NAALAD2: variants seen among roughly 807,000 people sequenced by gnomAD.
NAALAD2 encodes N-acetylated alpha-linked acidic dipeptidase 2.
In NAALAD2, 89 loss-of-function variants were observed where a neutral mutation model predicts 95.6. The ratio of observed to expected loss-of-function variants is 0.93; its 90% CI spans 0.78 to 1.11. The LOEUF (loss-of-function observed/expected upper bound fraction) is 1.11. Ranked by LOEUF, NAALAD2 falls within the 50% of genes least tolerant of loss-of-function variation. NAALAD2 has a pLI of 0.00. For synonymous variants in NAALAD2, 264 were observed against 294.4 expected (o/e 0.90, Z 1.06); for missense variants, 894 against 872.4 (o/e 1.02, Z -0.31).
chr11:90,145,534 A>G (rs892001535), intron 2 of NAALAD2, among the ~76,000 whole-genome samples: 11 of 152,236 alleles, frequency 7.2e-5, no homozygotes, highest in Admixed American at 3.3e-4. Context: ...TACATATAAA[A>G]TAACTTCTGT....
intron 11 of NAALAD2, among the ~76,000 whole-genome samples, chr11:90,166,889 C>T (rs1027594313): frequency 4.0e-5 from 6 of 151,696 alleles, no homozygotes; most frequent in Non-Finnish European, 7.4e-5. Context: ...GTGGCTCATG[C>T]CTGTAATCTC....
intron 16 of NAALAD2, among the ~76,000 whole-genome samples, chr11:90,180,761 A>T (rs1952940204): frequency 6.6e-6 from 1 of 152,056 alleles, no homozygotes; most frequent in Admixed American, 6.5e-5. Context: ...TATATTGGTG[A>T]GTTCTGCATC....
rs1590975501 is a variant in NAALAD2, at chr11:90,154,061, CTCTCTCTT to C, written c.796+1581_796+1588del. ...TCTCTCTCTCTCTCTCTCTGTCTCT[CTCTCTCTT>C]TCTTTCTTTCTCTCTTTCTTCTTTT... On this transcript the variant is annotated intron_variant, in intron 6 of 18. Transcript: ENST00000534061. Among the ~76,000 whole-genome samples the C allele has an allele frequency of 2.0e-5, 3 of 146,716 alleles. No homozygotes were observed. The East Asian group carries it at 6.4e-4, about 31-fold the overall frequency.
chr11:90,167,462 A>G (rs4307680), intron 11 of NAALAD2, among the ~76,000 whole-genome samples: 1 of 152,046 alleles, frequency 6.6e-6, no homozygotes, highest in Non-Finnish European at 1.5e-5. Flanking sequence ...GAGCCTCCCG[A>G]CGAGCACCGC....
intron 18 of NAALAD2, among the ~76,000 whole-genome samples, chr11:90,186,870 A>T (rs1250079485): frequency 2.2e-4 from 30 of 139,022 alleles, no homozygotes; most frequent in African/African-American, 8.0e-4. Context: ...AAAAGAAACT[A>T]CCATCAGAGT....
rs148950578 is a variant in NAALAD2 at position 90,191,821 on chromosome 11, T to A, written c.*74T>A. ...TAAAATTCACCTTTCTGATAACTTA[T>A]GAAGCCAGGGTGTTCTAAACTCTTT... On this transcript the variant is annotated 3_prime_UTR_variant, in exon 19 of 19. Coordinates refer to ENST00000534061, the MANE Select transcript of NAALAD2 (RefSeq NM_005467.4). 4.9e-6 allele frequency: 6 copies of A among 1,231,326 alleles called. No individual in the cohort carries two copies. In the East Asian group the frequency reaches 7.7e-5, roughly 16 times the overall value. 76.3% of individuals were successfully genotyped at this position (1,231,326 alleles called of 1,614,324 possible). A position where few individuals can be genotyped will look rare whatever the true frequency, so the allele number is the denominator to read the frequency against.
Position 90,173,853 on chromosome 11 carries a change from T to C in NAALAD2, c.1440T>C (p.Ser480=). The C allele has an allele frequency of 6.2e-7, 1 of 1,613,160 alleles. No individual in the cohort carries two copies. The highest frequency in any genetic ancestry group is 8.5e-7 in the Non-Finnish European group (1 of 1,179,602). Residue 480 remains serine (S), a synonymous_variant, in exon 14 of 19, where the codon AGT becomes AGC. Transcript: ENST00000534061. The part of the protein sequence containing the change: ...EIPSPDDGFE[S]KSLYESWLEK... ...CCAGCCCTGATGATGGGTTTGAGAG[T>C]AAATCACTGTATGAAAGCTGGTTGG...
At position 90,191,561 on chromosome 11, in the gene NAALAD2, C is replaced by T; in HGVS notation, c.2037C>T (p.His679=). The change falls in exon 19 of 19, where the codon CAC becomes CAT. Residue 679 remains histidine (H), a synonymous_variant. Transcript: ENST00000534061. ...TGCCTTGTTTTCTTCCTTTTAGGCACATCATATTTGCTCCAAGTAGCCACA... is the reference window on the plus strand; with the variant it reads ...TGCCTTGTTTTCTTCCTTTTAGGCATATCATATTTGCTCCAAGTAGCCACA... The part of the protein sequence containing the change: ...LGLPGKLFYR[H]IIFAPSSHNK... 6.3e-7 allele frequency: 1 copy of T among 1,580,846 alleles called. No individual in the cohort carries two copies. The highest frequency in any genetic ancestry group is 8.6e-7 in the Non-Finnish European group (1 of 1,165,132).
intron 13 of NAALAD2, among the ~76,000 whole-genome samples, chr11:90,171,724 A>C (rs1952643664): frequency 6.6e-6 from 1 of 152,218 alleles, no homozygotes; most frequent in Non-Finnish European, 1.5e-5. Flanking sequence ...GTGTGTTAGC[A>C]CAAATAGTCA....
intron 8 of NAALAD2, chr11:90,162,520 T>C (rs1461127525): frequency 6.6e-6 from 1 of 152,118 alleles, no homozygotes; most frequent in Non-Finnish European, 1.5e-5. Flanking sequence ...TAGATACATT[T>C]AAATAATATG....
intron 16 of NAALAD2, among the ~76,000 whole-genome samples, chr11:90,180,974 G>T (rs1435258381): frequency 1.3e-5 from 2 of 152,020 alleles, no homozygotes; most frequent in Admixed American, 6.5e-5. Flanking sequence ...TAGGTAACAG[G>T]CAAATACTAT....
intron 16 of NAALAD2, among the ~76,000 whole-genome samples, chr11:90,181,306 GT>G (rs1952961433): frequency 6.6e-6 from 1 of 151,630 alleles, no homozygotes; most frequent in Admixed American, 6.6e-5. Context: ...CTAGCATACA[GT>G]TGTTGTCCCA....
At chr11:90,187,417 T>C (rs970936294) in intron 18 of NAALAD2, among the ~76,000 whole-genome samples, 1 of 152,200 alleles carries the variant, frequency 6.6e-6, no homozygotes, top group African/African-American at 2.4e-5. Flanking sequence ...GATTATATTC[T>C]AATGCTAATT....
At chr11:90,168,004 C>G (rs144000465) in intron 11 of NAALAD2, among the ~76,000 whole-genome samples, 15 of 152,310 alleles carry the variant, frequency 9.8e-5, no homozygotes, top group African/African-American at 3.6e-4. Context: ...AAGATTTGTT[C>G]TTTTGCTCTT....
intron 2 of NAALAD2, among the ~76,000 whole-genome samples, chr11:90,143,529 T>G (rs1308106304): frequency 6.6e-6 from 1 of 152,170 alleles, no homozygotes; most frequent in African/African-American, 2.4e-5. Flanking sequence ...ATAGTTTTCT[T>G]TAAATTTAGC....
chr11:90,134,616 C>A, upstream of NAALAD2: 4 of 678,766 alleles, frequency 5.9e-6, no homozygotes, highest in Non-Finnish European at 1.0e-5. Flanking sequence ...AGGTCCCCAG[C>A]GGGTAGGGCG....
Position 90,154,826 on chromosome 11 carries a change from T to C in NAALAD2, c.796+2342T>C, listed in dbSNP as rs528411238. 1.2e-3 allele frequency among the ~76,000 whole-genome samples: 166 copies of C among 143,790 alleles called. 3 individuals are homozygous for C. The highest frequency in any genetic ancestry group is 4.1e-3 in the African/African-American group (159 of 38,552). The allele number at this position is 143,790 out of a possible 152,430, so 94.3% of individuals were successfully genotyped here. A position where few individuals can be genotyped will look rare whatever the true frequency, so the allele number is the denominator to read the frequency against. On this transcript the variant is annotated intron_variant, in intron 6 of 18. Transcript: ENST00000534061. ...ATATATATGTAATATATGTAATATGTAATGTTACATAGTATATACGTATAC... is the reference window on the plus strand; with the variant it reads ...ATATATATGTAATATATGTAATATGCAATGTTACATAGTATATACGTATAC...
At chr11:90,157,390 CT>C (rs1952146062) in intron 6 of NAALAD2, among the ~76,000 whole-genome samples, 1 of 152,118 alleles carries the variant, frequency 6.6e-6, no homozygotes, top group Non-Finnish European at 1.5e-5. Context: ...GCTGGCAATA[CT>C]TTTCAATCTT....
upstream of NAALAD2, chr11:90,134,641 C>T (rs996567390): frequency 5.4e-6 from 5 of 929,356 alleles, no homozygotes; most frequent in South Asian, 1.4e-5. Context: ...CGTGGCCTTG[C>T]GAAGGTCAGC....
Sources: gnomAD v4.1 joint callset for allele counts (sites outside exome capture counted in the v4.1 genomes callset) on GRCh38, gnomAD v4.1.1 for gene constraint, MANE v1.5 for transcripts, NCBI Gene and HGNC (gene_info 2026-07-23, HGNC 2026-07-21) for gene names.